HDAC4: variants seen among roughly 807,000 people sequenced by gnomAD.
HDAC4 encodes the protein histone deacetylase A.
In HDAC4, 16 loss-of-function variants were observed where a neutral mutation model predicts 135.1. That is an observed-to-expected ratio of 0.12 (90% confidence interval 0.08 to 0.18). The LOEUF is 0.18. HDAC4 is among the 10% of genes least tolerant of loss of function. The pLI is 1.00. For synonymous variants in HDAC4, 685 were observed against 653.4 expected, an observed-to-expected ratio of 1.05 and a Z score of -0.74; for missense variants, 1,143 against 1,511.8, an observed-to-expected ratio of 0.76 and a Z score of 4.05.
At chr2:239,330,413 T>G (rs1290671695) in intron 2 of HDAC4, among the ~76,000 whole-genome samples, 1 of 152,232 alleles carries the variant, frequency 6.6e-6, no homozygotes, top group Non-Finnish European at 1.5e-5. Context: ...GCCAGCAACC[T>G]GGCAATCAGG....
At chr2:239,252,273 C>T (rs62188580) in intron 2 of HDAC4, among the ~76,000 whole-genome samples, 17,659 of 152,210 alleles carry the variant, frequency 0.12, 1,158 homozygotes, top group Non-Finnish European at 0.15. Flanking sequence ...TGGGCCTCAC[C>T]GTCAACAGCC....
intron 2 of HDAC4, among the ~76,000 whole-genome samples, chr2:239,337,092 G>A (rs980222353): frequency 2.0e-5 from 3 of 152,138 alleles, no homozygotes; most frequent in African/African-American, 7.2e-5. Flanking sequence ...AAGACCACGG[G>A]GGAAAGTGCC....
At chr2:239,113,971 G>C (rs1425044592) in intron 13 of HDAC4, among the ~76,000 whole-genome samples, 1 of 152,204 alleles carries the variant, frequency 6.6e-6, no homozygotes, top group African/African-American at 2.4e-5. Flanking sequence ...GCCAGCCACT[G>C]GGGGAAGCTC....
At chr2:239,276,780 C>T (rs527349046) in intron 2 of HDAC4, among the ~76,000 whole-genome samples, 3 of 152,342 alleles carry the variant, frequency 2.0e-5, no homozygotes, top group South Asian at 4.1e-4. Context: ...CAGAGCCAGG[C>T]GAGGCAAGAC....
In HDAC4 at chr2:239,139,671, G is replaced by C; in HGVS notation, c.978+13C>G. ...TCTAGCCGTAGGACACAGGACAAAC[G>C]CTTCGCACTGACCTCCGCCGGGATG... On this transcript the variant is annotated intron_variant, in intron 9 of 26. Transcript: ENST00000543185. The surrounding 1 kb of genome is among the most constrained non-coding windows in gnomAD (Gnocchi z 5.3). The C allele has an allele frequency of 6.2e-7, 1 of 1,608,684 alleles. No homozygotes were observed. The highest frequency in any genetic ancestry group is 8.5e-7 in the Non-Finnish European group (1 of 1,175,034).
intron 3 of HDAC4, among the ~76,000 whole-genome samples, chr2:239,231,593 T>G (rs77583961): frequency 6.9e-6 from 1 of 144,354 alleles, no homozygotes; most frequent in Non-Finnish European, 1.5e-5. Context: ...CTGACTTTTT[T>G]TGTTTGCCTC....
chr2:239,376,314 C>T (rs958031330), intron 1 of HDAC4, among the ~76,000 whole-genome samples: 4 of 151,700 alleles, frequency 2.6e-5, no homozygotes, highest in East Asian at 1.9e-4. Flanking sequence ...GCTGTGTGCT[C>T]ACAACCCTCC....
rs569758746 is a variant in HDAC4, at chr2:239,384,698, CAAT to C, written c.-220+16277_-220+16279del. Among the ~76,000 whole-genome samples the C allele has an allele frequency of 1.4e-3, 213 of 152,340 alleles. 1 individual carries two copies. The highest frequency in any genetic ancestry group is 4.6e-3 in the African/African-American group (191 of 41,580). On this transcript the variant is annotated intron_variant, in intron 1 of 26. Coordinates refer to ENST00000543185, the MANE Select transcript of HDAC4 (RefSeq NM_001378414.1). ...CGAAGGAATGGGTCCTAGGCGGCAA[CAAT>C]GAGTCTGCTTTGTTTCAGTGGACAT...
chr2:239,202,065 C>T (rs1255430408), intron 3 of HDAC4, among the ~76,000 whole-genome samples: 1 of 152,190 alleles, frequency 6.6e-6, no homozygotes, highest in South Asian at 2.1e-4. Flanking sequence ...AGGGCTTCTC[C>T]GGGTCTGCTG....
chr2:239,225,140 C>G (rs935680145), intron 3 of HDAC4, among the ~76,000 whole-genome samples: 3 of 151,960 alleles, frequency 2.0e-5, no homozygotes, highest in African/African-American at 7.3e-5. Flanking sequence ...AAAAAGGAAC[C>G]AAAAAGCAAA....
chr2:239,128,249 T>C (rs1197714347), intron 11 of HDAC4, among the ~76,000 whole-genome samples: 1 of 152,170 alleles, frequency 6.6e-6, no homozygotes, highest in African/African-American at 2.4e-5. Context: ...TAAACCATCC[T>C]AAAGAAGGCA....
chr2:239,401,440 G>A, upstream of HDAC4: 1 of 161,990 alleles, frequency 6.2e-6, no homozygotes, highest in Non-Finnish European at 1.3e-5. Context: ...GGTGCTTCGC[G>A]GTTGAGGAGG....
chr2:239,089,981 G>T, intron 18 of HDAC4, 28 bp downstream of exon 18: 1 of 1,511,960 alleles, frequency 6.6e-7, no homozygotes, highest in Non-Finnish European at 9.2e-7. Flanking sequence ...CCTCCTGGAG[G>T]GCCACCACTG....
intron 7 of HDAC4, among the ~76,000 whole-genome samples, chr2:239,148,741 G>A (rs1429129034): frequency 6.6e-6 from 1 of 152,222 alleles, no homozygotes; most frequent in East Asian, 1.9e-4. Flanking sequence ...GCCGCAGAAA[G>A]GAGGCCACGG....
chr2:239,106,588 C>T (rs530637524), intron 15 of HDAC4, among the ~76,000 whole-genome samples: 1 of 152,354 alleles, frequency 6.6e-6, no homozygotes, highest in South Asian at 2.1e-4. Context: ...TTCCTCCTCC[C>T]TCCTCCCAGA....
intron 2 of HDAC4, among the ~76,000 whole-genome samples, chr2:239,276,877 T>C (rs947672976): frequency 5.9e-5 from 9 of 152,202 alleles, no homozygotes; most frequent in African/African-American, 2.2e-4. Flanking sequence ...TTCATTCTTC[T>C]TGCAACACTG....
chr2:239,379,808 A>C (rs950347986), intron 1 of HDAC4, among the ~76,000 whole-genome samples: 5 of 152,150 alleles, frequency 3.3e-5, no homozygotes, highest in Admixed American at 3.3e-4. Flanking sequence ...CTGCCCCACC[A>C]CGGGGTCACA....
intron 1 of HDAC4, among the ~76,000 whole-genome samples, chr2:239,354,524 T>G (rs1308228862): frequency 6.6e-6 from 1 of 150,866 alleles, no homozygotes; most frequent in Non-Finnish European, 1.5e-5. Flanking sequence ...TCTTTAAAAG[T>G]GTGACCAATT....
rs2046817871 is a variant in HDAC4, at chr2:239,219,313, T to G, written c.94+17280A>C. On this transcript the variant is annotated intron_variant, in intron 3 of 26. Transcript: ENST00000543185. ...CATAAAAAATGATGACTTCATGTCC[T>G]TTGTAGGGACATGGATGAAATTGGA... is the stretch of plus-strand genomic sequence containing the variant. Among the ~76,000 whole-genome samples, 3 of 152,290 alleles carry G rather than the reference T, an allele frequency of 2.0e-5. No individual in the cohort carries two copies. The South Asian group carries it at 6.2e-4, about 32-fold the overall frequency.
Sources: gnomAD v4.1 joint callset for allele counts (sites outside exome capture counted in the v4.1 genomes callset) on GRCh38, gnomAD v4.1.1 for gene constraint, Gnocchi (gnomAD v3.1) non-coding constraint, MANE v1.5 for transcripts, NCBI Gene and HGNC (gene_info 2026-07-23, HGNC 2026-07-21) for gene names.